PAPPA2: variants seen among roughly 807,000 people sequenced by gnomAD.
PAPPA2 encodes the protein pappalysin 2, also known as pappalysin-2.
In PAPPA2, 86 loss-of-function variants were observed where a neutral mutation model predicts 176.4. That is an observed-to-expected ratio of 0.49 (90% confidence interval 0.41 to 0.58). The LOEUF is 0.58. PAPPA2 is among the 20% of genes least tolerant of loss of function. PAPPA2 has a pLI of 0.00. For synonymous variants in PAPPA2, 809 were observed against 852.2 expected, an observed-to-expected ratio of 0.95 and a Z score of 0.88; for missense variants, 2,073 against 2,256.9, an observed-to-expected ratio of 0.92 and a Z score of 1.65.
chr1:176,813,728 C>T (rs1349995581), intron 21 of PAPPA2, among the ~76,000 whole-genome samples: 2 of 152,134 alleles, frequency 1.3e-5, no homozygotes, highest in African/African-American at 4.8e-5. Context: ...TTATGCAATT[C>T]TGTAGGTTGT....
Position 176,635,565 on chromosome 1 carries a change from C to T in PAPPA2, c.1992-35405C>T, listed in dbSNP as rs1287101705. On this transcript the variant is annotated intron_variant, in intron 3 of 22. Transcript: ENST00000367662. ...GAGAAATTGTGGGCAATAGTTCCAT[C>T]TCTAAGATCCACTCACTTTCTGTTT... is the stretch of plus-strand genomic sequence containing the variant. Among the ~76,000 whole-genome samples, 3 of 152,252 alleles carry T rather than the reference C, an allele frequency of 2.0e-5. No individual in the cohort carries two copies. The East Asian group carries it at 5.8e-4, about 29-fold the overall frequency.
At chr1:176,644,598 A>G (rs1316616526) in intron 3 of PAPPA2, among the ~76,000 whole-genome samples, 1 of 151,814 alleles carries the variant, frequency 6.6e-6, no homozygotes, top group Non-Finnish European at 1.5e-5. Context: ...ATATGGCAAT[A>G]TGCACCATAG....
chr1:176,558,909 G>T (rs1354681483), intron 2 of PAPPA2, among the ~76,000 whole-genome samples: 1 of 152,148 alleles, frequency 6.6e-6, no homozygotes, highest in Non-Finnish European at 1.5e-5. Flanking sequence ...GAGTCTATGT[G>T]GGTGGCTCTA....
At chr1:176,778,871 TG>T (rs1344063326) in intron 17 of PAPPA2, among the ~76,000 whole-genome samples, 1 of 152,176 alleles carries the variant, frequency 6.6e-6, no homozygotes, top group Admixed American at 6.5e-5. Flanking sequence ...TCAAATATCT[TG>T]CCATTGTAGG....
intron 1 of PAPPA2, among the ~76,000 whole-genome samples, chr1:176,497,146 T>C (rs1647676744): frequency 1.3e-5 from 2 of 152,338 alleles, no homozygotes; most frequent in African/African-American, 4.8e-5. Flanking sequence ...TGTGTCTAAG[T>C]CCCAGTTAGA....
chr1:176,669,498 A>G (rs1359740830), intron 3 of PAPPA2, among the ~76,000 whole-genome samples: 2 of 152,106 alleles, frequency 1.3e-5, no homozygotes, highest in African/African-American at 4.8e-5. Context: ...CCAGGCAACA[A>G]CTCAGAAAAC....
intron 4 of PAPPA2, among the ~76,000 whole-genome samples, chr1:176,685,313 C>T (rs534651910): frequency 6.6e-6 from 1 of 152,244 alleles, no homozygotes; most frequent in South Asian, 2.1e-4. Flanking sequence ...TACCATTAAA[C>T]AGATCAGTAA....
intron 21 of PAPPA2, among the ~76,000 whole-genome samples, chr1:176,809,240 T>C (rs553798125): frequency 6.6e-6 from 1 of 152,308 alleles, no homozygotes; most frequent in South Asian, 2.1e-4. Flanking sequence ...ATAGAGATAT[T>C]TTATGTGTCA....
chr1:176,624,336 C>T (rs772412762), intron 3 of PAPPA2, among the ~76,000 whole-genome samples: 12 of 152,112 alleles, frequency 7.9e-5, no homozygotes, highest in Non-Finnish European at 1.8e-4. Flanking sequence ...AGTAGTACTA[C>T]GGGGGTTCAG....
chr1:176,761,089 G>A (rs1411424220), intron 14 of PAPPA2, among the ~76,000 whole-genome samples: 1 of 151,982 alleles, frequency 6.6e-6, no homozygotes, highest in African/African-American at 2.4e-5. Context: ...CCAAAGTGCT[G>A]GTATTACAGA....
At chr1:176,763,287 T>G (rs1358657557) in intron 14 of PAPPA2, among the ~76,000 whole-genome samples, 1 of 152,130 alleles carries the variant, frequency 6.6e-6, no homozygotes, top group African/African-American at 2.4e-5. Context: ...AGCAAGAAAA[T>G]ATCTTGCTAG....
chr1:176,584,386 A>G (rs1164384065), intron 2 of PAPPA2, among the ~76,000 whole-genome samples: 2 of 150,750 alleles, frequency 1.3e-5, no homozygotes, highest in Non-Finnish European at 3.0e-5. Context: ...TGCTGTTATT[A>G]TATAATGCAT....
intron 1 of PAPPA2, among the ~76,000 whole-genome samples, chr1:176,511,610 C>T (rs1267479593): frequency 1.3e-5 from 2 of 152,086 alleles, no homozygotes; most frequent in Non-Finnish European, 2.9e-5. Flanking sequence ...GAAGATGTTT[C>T]TAAAAGAGAT....
chr1:176,571,425 T>C (rs989567550), intron 2 of PAPPA2, among the ~76,000 whole-genome samples: 1 of 152,234 alleles, frequency 6.6e-6, no homozygotes, highest in Non-Finnish European at 1.5e-5. Context: ...AATTTCTGTC[T>C]CAGAATTGTT....
Position 176,800,084 on chromosome 1 carries a change from T to C in PAPPA2, c.5154T>C (p.Arg1718=), listed in dbSNP as rs1389813995. The part of the protein sequence containing the change: ...KVQSIVCTGR[R]QWHPDPVLVH... ...AGAGCATTGTGTGCACTGGCCGGCG[T>C]CAATGGCACCCAGACCCCGTCTTAG... Residue 1718 remains arginine, a synonymous_variant, in exon 21 of 23, where the codon CGT becomes CGC. Coordinates refer to ENST00000367662, the MANE Select transcript of PAPPA2 (RefSeq NM_020318.3). 6.2e-7 allele frequency: 1 copy of C among 1,614,070 alleles called. No individual in the cohort carries two copies. Among genetic ancestry groups the C allele is most frequent in the East Asian group, 2.2e-5 (1 of 44,882 alleles).
At chr1:176,689,833 A>G (rs532603662) in intron 4 of PAPPA2, among the ~76,000 whole-genome samples, 102 of 152,092 alleles carry the variant, frequency 6.7e-4, no homozygotes, top group African/African-American at 2.3e-3. Flanking sequence ...TCTTCTTTTA[A>G]CTCTCCCAGG....
chr1:176,468,452 C>A (rs1360028353), intron 1 of PAPPA2, among the ~76,000 whole-genome samples: 1 of 152,110 alleles, frequency 6.6e-6, no homozygotes, highest in African/African-American at 2.4e-5. Context: ...TTTATGGATA[C>A]CTTTCCAGGT....
intron 19 of PAPPA2, among the ~76,000 whole-genome samples, chr1:176,793,298 G>A (rs1039784048): frequency 6.6e-6 from 1 of 152,174 alleles, no homozygotes; most frequent in Non-Finnish European, 1.5e-5. Context: ...CATTCCAGAG[G>A]AGGGGTTATC....
At chr1:176,822,982 T>C (rs756741146) in intron 21 of PAPPA2, among the ~76,000 whole-genome samples, 3 of 152,228 alleles carry the variant, frequency 2.0e-5, no homozygotes, top group Non-Finnish European at 4.4e-5. Flanking sequence ...TCAAAACTTC[T>C]TTATTCAAAG....
Sources: gnomAD v4.1 joint callset for allele counts (sites outside exome capture counted in the v4.1 genomes callset) on GRCh38, gnomAD v4.1.1 for gene constraint, MANE v1.5 for transcripts, NCBI Gene and HGNC (gene_info 2026-07-23, HGNC 2026-07-21) for gene names.